The following ZNF407 variants were observed in gnomAD, a reference collection of about 807,000 sequenced individuals.
The protein encoded by ZNF407 is zinc finger protein 407.
Under a neutral mutation model 131.2 loss-of-function variants are expected in ZNF407, and 17 were observed. The ratio of observed to expected loss-of-function variants is 0.13; its 90% CI spans 0.09 to 0.19. The LOEUF is 0.19. ZNF407 is among the 10% of genes least tolerant of loss of function. ZNF407 has a pLI of 1.00. For missense variants in ZNF407, 2,681 were observed against 2,830.6 expected, an observed-to-expected ratio of 0.95 and a Z score of 1.20; for synonymous variants, 1,156 against 1,062.0, an observed-to-expected ratio of 1.09 and a Z score of -1.72.
At chr18:74,807,906 G>C (rs1156939886) in intron 4 of ZNF407, among the ~76,000 whole-genome samples, 1 of 152,034 alleles carries the variant, frequency 6.6e-6, no homozygotes, top group African/African-American at 2.4e-5. Context: ...AATAAAAGAT[G>C]AGGTCTTACT....
chr18:74,738,894 T>A, intron 3 of ZNF407, among the ~76,000 whole-genome samples: 1 of 152,192 alleles, frequency 6.6e-6, no homozygotes, highest in Non-Finnish European at 1.5e-5. Context: ...TTAAGGAGAT[T>A]TGAAAAGATA....
chr18:75,052,642 T>C (rs879639556), intron 8 of ZNF407, among the ~76,000 whole-genome samples: 16 of 152,346 alleles, frequency 1.1e-4, no homozygotes, highest in Admixed American at 7.8e-4. Flanking sequence ...GTGTGCCAAG[T>C]GGACTCAGGC....
chr18:75,035,448 G>A (rs1244634137), intron 8 of ZNF407, among the ~76,000 whole-genome samples: 1 of 152,214 alleles, frequency 6.6e-6, no homozygotes. Flanking sequence ...TAGTGATGAT[G>A]ATTGACGTTC....
chr18:74,885,071 A>G (rs1971289302), intron 6 of ZNF407, among the ~76,000 whole-genome samples: 2 of 152,188 alleles, frequency 1.3e-5, no homozygotes, highest in African/African-American at 4.8e-5. Context: ...TGCATAATGA[A>G]CAAAATCTTT....
intron 8 of ZNF407, among the ~76,000 whole-genome samples, chr18:74,940,872 G>A (rs1255360263): frequency 6.6e-6 from 1 of 152,190 alleles, no homozygotes; most frequent in African/African-American, 2.4e-5. Flanking sequence ...AGGGTGTGGA[G>A]GGGGAGCTCA....
chr18:74,906,761 CAGAT>C (rs1971600740), intron 7 of ZNF407, among the ~76,000 whole-genome samples: 1 of 152,042 alleles, frequency 6.6e-6, no homozygotes, highest in African/African-American at 2.4e-5. Flanking sequence ...TATATGTGCA[CAGAT>C]ACTCTGTGTA....
intron 4 of ZNF407, among the ~76,000 whole-genome samples, chr18:74,798,652 G>A (rs1182390499): frequency 6.6e-6 from 1 of 151,980 alleles, no homozygotes; most frequent in Admixed American, 6.6e-5. Context: ...TTTCAGTTTT[G>A]TTTTAGGGAT....
intron 8 of ZNF407, among the ~76,000 whole-genome samples, chr18:74,983,811 TAA>T (rs1409661386): frequency 6.6e-6 from 1 of 152,086 alleles, no homozygotes; most frequent in Non-Finnish European, 1.5e-5. Context: ...CTGTGGAGCC[TAA>T]GAGGAGAAAG....
chr18:74,669,721 C>T (rs962113425), intron 3 of ZNF407, among the ~76,000 whole-genome samples: 1 of 152,202 alleles, frequency 6.6e-6, no homozygotes, highest in Non-Finnish European at 1.5e-5. Context: ...AAGTGCTGAC[C>T]TGGACCTGGA....
chr18:74,833,141 T>C (rs982332400), intron 4 of ZNF407, among the ~76,000 whole-genome samples: 1 of 152,158 alleles, frequency 6.6e-6, no homozygotes, highest in Non-Finnish European at 1.5e-5. Flanking sequence ...CACCTCTGAA[T>C]AGATTACACA....
chr18:74,980,915 T>TGA (rs1972585322), intron 8 of ZNF407, among the ~76,000 whole-genome samples: 1 of 152,138 alleles, frequency 6.6e-6, no homozygotes, highest in Non-Finnish European at 1.5e-5. Context: ...CACTGGGGAT[T>TGA]GGAGTATTTT....
At chr18:75,039,736 T>TTA (rs1350779904) in intron 8 of ZNF407, among the ~76,000 whole-genome samples, 2 of 151,282 alleles carry the variant, frequency 1.3e-5, no homozygotes, top group Admixed American at 1.3e-4. Flanking sequence ...TTTTTTTTTT[T>TTA]TTAATCCATT....
At chr18:75,026,899 T>C (rs11873473) in intron 8 of ZNF407, among the ~76,000 whole-genome samples, 112,704 of 152,134 alleles carry the variant, frequency 0.74, 42,931 homozygotes, top group Non-Finnish European at 0.83. Context: ...GAGCATCAGC[T>C]GGGTGTCAGT....
intron 8 of ZNF407, among the ~76,000 whole-genome samples, chr18:74,980,604 GC>G (rs1972580585): frequency 6.6e-6 from 1 of 152,084 alleles, no homozygotes; most frequent in African/African-American, 2.4e-5. Flanking sequence ...ACCCCACCCA[GC>G]CAATTGTTGA....
intron 1 of ZNF407, among the ~76,000 whole-genome samples, chr18:74,608,315 C>T (rs1982898134): frequency 6.6e-6 from 1 of 151,968 alleles, no homozygotes; most frequent in Non-Finnish European, 1.5e-5. Context: ...TGTTATGTCT[C>T]CTTGGTCTCT....
intron 2 of ZNF407, among the ~76,000 whole-genome samples, chr18:74,636,388 A>G (rs1178154344): frequency 6.6e-6 from 1 of 152,148 alleles, no homozygotes; most frequent in Non-Finnish European, 1.5e-5. Context: ...TTCTAAATTT[A>G]TGTAAAAATT....
chr18:74,702,760 C>T (rs1967529843), intron 3 of ZNF407, among the ~76,000 whole-genome samples: 1 of 152,130 alleles, frequency 6.6e-6, no homozygotes, highest in Non-Finnish European at 1.5e-5. Flanking sequence ...TTCAGGCACA[C>T]ATAGATACAT....
intron 3 of ZNF407, among the ~76,000 whole-genome samples, chr18:74,661,139 A>G (rs1056103254): frequency 1.1e-4 from 16 of 152,260 alleles, no homozygotes; most frequent in Admixed American, 5.9e-4. Flanking sequence ...AATATGCATG[A>G]TCCCTTTCCA....
At chr18:74,674,991 T>C (rs1394255130) in intron 3 of ZNF407, among the ~76,000 whole-genome samples, 1 of 152,214 alleles carries the variant, frequency 6.6e-6, no homozygotes, top group Non-Finnish European at 1.5e-5. Context: ...TTATTTGAAA[T>C]GTTGGTTTGT....
Sources: gnomAD v4.1 joint callset for allele counts (sites outside exome capture counted in the v4.1 genomes callset) on GRCh38, gnomAD v4.1.1 for gene constraint, MANE v1.5 for transcripts, NCBI Gene and HGNC (gene_info 2026-07-23, HGNC 2026-07-21) for gene names.